Variants in PLEKHG7 observed in about 807,000 individuals in gnomAD.
The protein encoded by PLEKHG7 is pleckstrin homology and RhoGEF domain containing G7.
A neutral mutation model predicts 85.2 loss-of-function variants in PLEKHG7; 77 were observed. That is an observed-to-expected ratio of 0.90 (90% CI 0.75 to 1.09). The LOEUF (loss-of-function observed/expected upper bound fraction) is 1.09. PLEKHG7 is among the 50% of genes least tolerant of loss of function. The pLI is 0.00. For missense variants in PLEKHG7, 777 were observed against 804.3 expected (o/e 0.97, Z 0.41); for synonymous variants, 301 against 302.4 (o/e 1.00, Z 0.05).
At chr12:92,708,285 C>A (rs1005573317) in intron 3 of PLEKHG7, 1 of 152,318 alleles carries the variant, frequency 6.6e-6, no homozygotes, top group Non-Finnish European at 1.5e-5. Context: ...GGCAGGAAAG[C>A]CCTCATTTCA....
intron 3 of PLEKHG7, among the ~76,000 whole-genome samples, chr12:92,710,077 G>A (rs938843435): frequency 3.3e-5 from 5 of 152,178 alleles, no homozygotes; most frequent in African/African-American, 9.7e-5. Flanking sequence ...CCAGCAGAAC[G>A]TAATGTCACA....
chr12:92,761,650 GAAAGAAAGA>G lies in PLEKHG7; in HGVS notation c.1637-99_1637-91del, dbSNP rs771758500. On this transcript the variant is annotated intron_variant, in intron 13 of 16. Coordinates refer to ENST00000344636, the MANE Select transcript of PLEKHG7 (RefSeq NM_001377329.1). ...AGAAAGAAAGAAAGAAAGAAAGAAA[GAAAGAAAGA>G]AAGAAAGAAAGAAAGAAAGAAAGAA... 410 of 1,168,198 alleles carry G rather than the reference GAAAGAAAGA, an allele frequency of 3.5e-4. 1 individual carries two copies. The highest frequency in any genetic ancestry group is 3.8e-4 in the Non-Finnish European group (336 of 891,848). 72.4% of individuals were successfully genotyped at this position (1,168,198 alleles called of 1,614,324 possible). A position where few individuals can be genotyped will look rare whatever the true frequency, so the allele number is the denominator to read the frequency against.
chr12:92,761,623 G>GAAAGAAGA (rs878936959), intron 13 of PLEKHG7, 129 bp from the exon 14 acceptor site: 1 of 710,340 alleles, frequency 1.4e-6, no homozygotes, highest in African/African-American at 2.3e-5. Context: ...AAGAAAGAAA[G>GAAAGAAGA]AAGAAAGAAA....
At chr12:92,761,185 T>C (rs772890039) in intron 13 of PLEKHG7, among the ~76,000 whole-genome samples, 9 of 152,202 alleles carry the variant, frequency 5.9e-5, no homozygotes, top group Admixed American at 3.3e-4. Flanking sequence ...AGTGACACAA[T>C]AGCATAATTC....
chr12:92,740,848 CA>C lies in PLEKHG7; in HGVS notation c.940-2del, dbSNP rs1367282390. The C allele has an allele frequency of 6.4e-6, 10 of 1,571,440 alleles. No homozygotes were observed. In the African/African-American group the frequency reaches 1.4e-4, roughly 21 times the overall value. On this transcript the variant is annotated splice_polypyrimidine_tract_variant and splice_region_variant and intron_variant, in intron 7 of 16. Transcript: ENST00000344636. ...ATTAATGTGTATATATTTTTTATTT[CA>C]AAGATCTTTATGAATACACTAAGAT...
At chr12:92,735,933 T>G (rs1265930235) in intron 5 of PLEKHG7, among the ~76,000 whole-genome samples, 1 of 152,094 alleles carries the variant, frequency 6.6e-6, no homozygotes, top group East Asian at 1.9e-4. Context: ...TAAGAAAAAA[T>G]GACTATAACA....
intron 11 of PLEKHG7, among the ~76,000 whole-genome samples, chr12:92,755,445 T>C (rs1033655599): frequency 4.6e-5 from 7 of 152,104 alleles, no homozygotes; most frequent in Admixed American, 3.9e-4. Context: ...TATATACTTT[T>C]ATGATTGGGA....
Position 92,706,861 on chromosome 12 carries a change from C to T in PLEKHG7, c.230C>T (p.Pro77Leu). 2 of 1,613,928 alleles carry T rather than the reference C, an allele frequency of 1.2e-6. No individual in the cohort carries two copies. Among genetic ancestry groups the T allele is most frequent in the Non-Finnish European group, 1.7e-6 (2 of 1,180,002 alleles). The change falls in exon 2 of 17, where the codon CCT (proline) becomes CTT (leucine). Residue 77 changes from proline to leucine, a missense_variant. This residue lies in a region of PLEKHG7 where 252 missense variants were observed against 241.9 expected (regional missense o/e 1.04). Coordinates refer to ENST00000344636, the MANE Select transcript of PLEKHG7 (RefSeq NM_001377329.1). Reference protein sequence around the residue: ...QVTTWGSWGAPVGFPCYLSKS... With the variant: ...QVTTWGSWGALVGFPCYLSKS... ...ACCACCTGGGGAAGCTGGGGAGCTCCTGTGGGCTTCCCATGTTACCTTTCG... is the reference window on the plus strand; with the variant it reads ...ACCACCTGGGGAAGCTGGGGAGCTCTTGTGGGCTTCCCATGTTACCTTTCG...
chr12:92,703,777 T>A (rs1297469525), intron 1 of PLEKHG7, among the ~76,000 whole-genome samples: 1 of 152,228 alleles, frequency 6.6e-6, no homozygotes, highest in Non-Finnish European at 1.5e-5. Flanking sequence ...GTTCCAATAT[T>A]TAAGACAGTG....
intron 1 of PLEKHG7, among the ~76,000 whole-genome samples, chr12:92,704,208 G>A (rs1289346018): frequency 6.6e-6 from 1 of 151,768 alleles, no homozygotes. Flanking sequence ...GTTACAGTGC[G>A]ATATGATCAC....
intron 1 of PLEKHG7, among the ~76,000 whole-genome samples, chr12:92,706,066 T>C (rs1419690223): frequency 1.3e-5 from 2 of 152,224 alleles, no homozygotes; most frequent in Non-Finnish European, 2.9e-5. Flanking sequence ...GTTTTCCTTG[T>C]TCTTGCATCC....
At chr12:92,752,497 T>TG (rs1283580519) in intron 10 of PLEKHG7, among the ~76,000 whole-genome samples, 1 of 151,954 alleles carries the variant, frequency 6.6e-6, no homozygotes, top group South Asian at 2.1e-4. Context: ...ATTGGATTGG[T>TG]GGGGGGTTGA....
chr12:92,761,244 T>TA (rs1223602424), intron 13 of PLEKHG7, among the ~76,000 whole-genome samples: 1 of 152,140 alleles, frequency 6.6e-6, no homozygotes, highest in Non-Finnish European at 1.5e-5. Context: ...CCTTTGCCAA[T>TA]AACCACCCAG....
chr12:92,754,281 A>G lies in PLEKHG7; in HGVS notation c.1426+17A>G. 6.2e-7 allele frequency: 1 copy of G among 1,610,654 alleles called. No individual in the cohort carries two copies. The highest frequency in any genetic ancestry group is 8.5e-7 in the Non-Finnish European group (1 of 1,177,466). The stretch of plus-strand genomic sequence containing the variant: ...AGTCCATCCGTAAGTCCCTGAGATA[A>G]GTGAGCTTAATTACAGAATTGTGGC... On this transcript the variant is annotated intron_variant, in intron 11 of 16. Coordinates refer to ENST00000344636, the MANE Select transcript of PLEKHG7 (RefSeq NM_001377329.1).
At chr12:92,769,857 T>A (rs1051654885) in intron 16 of PLEKHG7, among the ~76,000 whole-genome samples, 2 of 152,198 alleles carry the variant, frequency 1.3e-5, no homozygotes, top group African/African-American at 4.8e-5. Flanking sequence ...ATAACTGTTA[T>A]CCAACATGCA....
chr12:92,716,390 T>TA (rs1246517062), intron 3 of PLEKHG7, among the ~76,000 whole-genome samples: 4 of 152,196 alleles, frequency 2.6e-5, no homozygotes, highest in Admixed American at 6.5e-5. Context: ...TACAGTGTTT[T>TA]AACCTGTAAT....
intron 13 of PLEKHG7, among the ~76,000 whole-genome samples, chr12:92,760,520 T>A (rs7134163): frequency 0.017 from 2,606 of 151,720 alleles, 31 homozygotes; most frequent in East Asian, 0.039. Context: ...TCTAGAACAA[T>A]ATATATATAT....
intron 10 of PLEKHG7, among the ~76,000 whole-genome samples, chr12:92,751,392 G>GTCTT (rs954718589): frequency 1.1e-4 from 16 of 152,148 alleles, no homozygotes; most frequent in Non-Finnish European, 1.5e-4. Context: ...TGTAGACAGA[G>GTCTT]TCTTGCTCTG....
chr12:92,711,780 T>C (rs1192041442), intron 3 of PLEKHG7, among the ~76,000 whole-genome samples: 2 of 152,238 alleles, frequency 1.3e-5, no homozygotes, highest in African/African-American at 4.8e-5. Flanking sequence ...CTGGGTCATA[T>C]GGCCCAAGTG....
Sources: gnomAD v4.1 joint callset for allele counts (sites outside exome capture counted in the v4.1 genomes callset) on GRCh38, gnomAD v4.1.1 for gene constraint, gnomAD v4.1.1 regional missense constraint, MANE v1.5 for transcripts, NCBI Gene and HGNC (gene_info 2026-07-23, HGNC 2026-07-21) for gene names.